Variants in PHC2 observed in about 807,000 individuals in gnomAD.
PHC2 encodes the protein polyhomeotic-like protein 2.
In PHC2, 29 loss-of-function variants were observed where a neutral mutation model predicts 87.4. The ratio of observed to expected loss-of-function variants is 0.33; its 90% CI spans 0.25 to 0.45. The LOEUF is 0.45. PHC2 is among the 20% of genes least tolerant of loss of function. The pLI, the probability that PHC2 is intolerant of heterozygous loss-of-function variation, is 1.00. For missense variants in PHC2, 857 were observed against 1,136.7 expected (o/e 0.75, Z 3.54); for synonymous variants, 438 against 461.7 (o/e 0.95, Z 0.66).
intron 9 of PHC2, chr1:33,335,291 C>CT: frequency 1.0e-6 from 1 of 985,428 alleles, no homozygotes; most frequent in Non-Finnish European, 1.2e-6. Context: ...CTCCCGCCCC[C>CT]TTCCCAGGGC....
intron 1 of PHC2, among the ~76,000 whole-genome samples, chr1:33,416,468 C>T (rs1159762559): frequency 7.4e-5 from 11 of 148,508 alleles, no homozygotes; most frequent in Non-Finnish European, 1.5e-4. Flanking sequence ...CCCAGCTACT[C>T]GGGAGGCTGA....
chr1:33,364,410 A>ACGCG lies in PHC2; in HGVS notation c.976+2705_976+2706insCGCG, dbSNP rs1553186433. ...TGCTTTCACACACACACACACACAC[A>ACGCG]CACACACACACACACGCTCAAGCAC... On this transcript the variant is annotated intron_variant, in intron 7 of 14. Coordinates refer to ENST00000683057, the MANE Select transcript of PHC2 (RefSeq NM_001385109.1). This position sits in a 1 kb window ranked among gnomAD's most constrained non-coding sequence, Gnocchi z 4.1. Among the ~76,000 whole-genome samples, 9 of 149,926 alleles carry ACGCG rather than the reference A, an allele frequency of 6.0e-5. No individual in the cohort carries two copies. Among genetic ancestry groups the ACGCG allele is most frequent in the African/African-American group, 2.2e-4 (9 of 40,538 alleles).
chr1:33,355,105 G>T lies in PHC2; in HGVS notation c.1125C>A (p.His375Gln), dbSNP rs755931133. ...TTGGAGAGACTGAGGCGAGCTGGGG[G>T]TGGGGCTCAGCTTGGAGCACAGGCC... is the stretch of plus-strand genomic sequence containing the variant. The part of the protein sequence containing the change: ...QSRPVLQAEP[H>Q]PQLASVSPSV... The change falls in exon 8 of 15, where the codon CAC becomes CAA. Residue 375 changes from histidine to glutamine, a missense_variant. By Grantham distance (24) the His-to-Gln change is conservative (BLOSUM62 0). Transcript: ENST00000683057. 9.9e-6 allele frequency: 16 copies of T among 1,611,508 alleles called. No homozygotes were observed. Among genetic ancestry groups the T allele is most frequent in the Admixed American group, 3.4e-5 (2 of 59,598 alleles).
At chr1:33,375,131 G>A (rs963573220) in intron 2 of PHC2, among the ~76,000 whole-genome samples, 4 of 152,166 alleles carry the variant, frequency 2.6e-5, no homozygotes, top group African/African-American at 9.7e-5. Context: ...ATTTGTTATT[G>A]TTACTTGTCT....
chr1:33,325,083 T>A, intron 14 of PHC2, 64 bp from the exon 15 acceptor site: 1 of 1,446,252 alleles, frequency 6.9e-7, no homozygotes, highest in South Asian at 1.3e-5. Context: ...TGGCAGCCAC[T>A]GCATCTAGTT....
intron 9 of PHC2, chr1:33,346,080 G>A (rs1646839804): frequency 1.0e-6 from 1 of 985,090 alleles, no homozygotes; most frequent in Admixed American, 6.1e-5. Context: ...CTCCCATCTT[G>A]AGGGGTAGTT....
At position 33,349,152 on chromosome 1, in the gene PHC2, A is replaced by C; in HGVS notation, c.1558+5249T>G. 1 of 985,410 alleles carries C rather than the reference A, an allele frequency of 1.0e-6. No individual in the cohort carries two copies. The highest frequency in any genetic ancestry group is 1.1e-4 in the East Asian group (1 of 8,808). The allele number at this position is 985,410 out of a possible 1,614,324, so 61.0% of individuals were successfully genotyped here. ...TCCATCCAATTAAAAACCTCGTGAG[A>C]CTGAACTAGATTAAAAACAAAACTC... On this transcript the variant is annotated intron_variant, in intron 9 of 14. Transcript: ENST00000683057. This position sits in a 1 kb window ranked among gnomAD's most constrained non-coding sequence, Gnocchi z 4.2.
chr1:33,340,474 G>C (rs1426627845), intron 9 of PHC2, among the ~76,000 whole-genome samples: 1 of 152,176 alleles, frequency 6.6e-6, no homozygotes, highest in African/African-American at 2.4e-5. Context: ...ATATCCAGGA[G>C]ACAGCAGCAA....
intron 9 of PHC2, among the ~76,000 whole-genome samples, chr1:33,341,063 C>G (rs1193693488): frequency 6.6e-6 from 1 of 152,110 alleles, no homozygotes; most frequent in Admixed American, 6.6e-5. Flanking sequence ...TGCCCAAGGT[C>G]ACAAAAGGTC....
intron 1 of PHC2, among the ~76,000 whole-genome samples, chr1:33,412,086 T>C (rs1650006326): frequency 6.6e-6 from 1 of 152,108 alleles, no homozygotes; most frequent in Admixed American, 6.6e-5. Flanking sequence ...CTGGAGGTAC[T>C]AGGAAGTGCA....
chr1:33,333,091 T>C (rs910320338), intron 10 of PHC2, among the ~76,000 whole-genome samples: 2 of 152,180 alleles, frequency 1.3e-5, no homozygotes, highest in Non-Finnish European at 1.5e-5. Context: ...TGGTTTCTAG[T>C]GTTACTCTAG....
Position 33,364,902 on chromosome 1 carries a change from C to T in PHC2, c.976+2214G>A, listed in dbSNP as rs1206474006. Among the ~76,000 whole-genome samples the T allele has an allele frequency of 6.6e-6, 1 of 152,218 alleles. No individual in the cohort carries two copies. The highest frequency in any genetic ancestry group is 2.4e-5 in the African/African-American group (1 of 41,460). Reference sequence around the variant, plus strand: ...CCTCGGGCCTCAAGCCTGTCACCTGCTGGTGTTTACCTTTACATGGGGTCT... The same window carrying T: ...CCTCGGGCCTCAAGCCTGTCACCTGTTGGTGTTTACCTTTACATGGGGTCT... On this transcript the variant is annotated intron_variant, in intron 7 of 14. Coordinates refer to ENST00000683057, the MANE Select transcript of PHC2 (RefSeq NM_001385109.1). The surrounding 1 kb of genome is among the most constrained non-coding windows in gnomAD (Gnocchi z 4.1).
intron 2 of PHC2, among the ~76,000 whole-genome samples, chr1:33,374,205 A>G (rs556724591): frequency 8.1e-4 from 124 of 152,266 alleles, no homozygotes; most frequent in South Asian, 1.9e-3. Context: ...CCTCATGAGA[A>G]GATGTCAATG....
At chr1:33,366,014 T>C (rs573659799) in intron 7 of PHC2, among the ~76,000 whole-genome samples, 3 of 152,232 alleles carry the variant, frequency 2.0e-5, no homozygotes, top group Non-Finnish European at 4.4e-5. Flanking sequence ...AAAATAGAAT[T>C]TATGAAGTGG....
Position 33,365,964 on chromosome 1 carries a change from C to G in PHC2, c.976+1152G>C, listed in dbSNP as rs1221371609. 2.6e-5 allele frequency among the ~76,000 whole-genome samples: 4 copies of G among 152,268 alleles called. No homozygotes were observed. The East Asian group carries it at 7.7e-4, about 29-fold the overall frequency. ...CTGACCCATTCTGCCTGACAGGCAG[C>G]TGACCATCTGTGCCCACACTGTACC... On this transcript the variant is annotated intron_variant, in intron 7 of 14. Coordinates refer to ENST00000683057, the MANE Select transcript of PHC2 (RefSeq NM_001385109.1).
Position 33,368,681 on chromosome 1 carries a change from G to T in PHC2, c.577-59C>A. 2 of 1,277,556 alleles carry T rather than the reference G, an allele frequency of 1.6e-6. No homozygotes were observed. Among genetic ancestry groups the T allele is most frequent in the Non-Finnish European group, 2.2e-6 (2 of 896,962 alleles). 79.1% of individuals were successfully genotyped at this position (1,277,556 alleles called of 1,614,324 possible). ...CCTAGCTACCTGCACCAGGTTACCT[G>T]GCTGGGCCTGGAATCACAGGAAACG... On this transcript the variant is annotated intron_variant, in intron 5 of 14. Coordinates refer to ENST00000683057, the MANE Select transcript of PHC2 (RefSeq NM_001385109.1). This position sits in a 1 kb window ranked among gnomAD's most constrained non-coding sequence, Gnocchi z 6.6.
At position 33,334,046 on chromosome 1, in the gene PHC2, C is replaced by T; in HGVS notation, c.1761+44G>A. The T allele has an allele frequency of 6.6e-7, 1 of 1,517,766 alleles. No homozygotes were observed. The highest frequency in any genetic ancestry group is 1.2e-5 in the South Asian group (1 of 83,622). 94.0% of individuals were successfully genotyped at this position (1,517,766 alleles called of 1,614,324 possible). On this transcript the variant is annotated intron_variant, in intron 10 of 14. Coordinates refer to ENST00000683057, the MANE Select transcript of PHC2 (RefSeq NM_001385109.1). The surrounding 1 kb of genome is among the most constrained non-coding windows in gnomAD (Gnocchi z 5.5). The stretch of plus-strand genomic sequence containing the variant: ...ATGTAAAAATATTCTAAGACACATC[C>T]AAAATATACTTAAAAAAAAAAGGGG...
chr1:33,377,296 G>A (rs1245653558), intron 1 of PHC2, among the ~76,000 whole-genome samples: 3 of 152,222 alleles, frequency 2.0e-5, no homozygotes, highest in African/African-American at 7.2e-5. Flanking sequence ...CTTGTGGCCT[G>A]GTTCACACTG....
chr1:33,403,464 G>A (rs774352232), intron 1 of PHC2, among the ~76,000 whole-genome samples: 2 of 152,158 alleles, frequency 1.3e-5, no homozygotes, highest in Non-Finnish European at 2.9e-5. Flanking sequence ...GTATATCTGG[G>A]CAGATGAAGA....
Sources: gnomAD v4.1 joint callset for allele counts (sites outside exome capture counted in the v4.1 genomes callset) on GRCh38, gnomAD v4.1.1 for gene constraint, Gnocchi (gnomAD v3.1) non-coding constraint, MANE v1.5 for transcripts, NCBI Gene and HGNC (gene_info 2026-07-23, HGNC 2026-07-21) for gene names.